The following CC2D2B variants were observed in gnomAD, a reference collection of about 807,000 sequenced individuals.
The protein encoded by CC2D2B is protein CC2D2B.
CC2D2B carries 128 observed loss-of-function variants against 161.2 expected under a neutral mutation model. The observed-to-expected ratio is 0.79, with a 90% confidence interval of 0.69 to 0.92. CC2D2B has a LOEUF of 0.92. Ranked by LOEUF, CC2D2B falls within the 40% of genes least tolerant of loss-of-function variation. The pLI is 0.00. For missense variants in CC2D2B, 1,173 were observed against 1,375.1 expected, an observed-to-expected ratio of 0.85 and a Z score of 2.32; for synonymous variants, 391 against 449.8, an observed-to-expected ratio of 0.87 and a Z score of 1.65.
Position 96,032,100 on chromosome 10 carries a change from C to T in CC2D2B, c.*92C>T. ...ACCTTGAGATTTTGCTGTTTATTCT[C>T]AAGTCCAGCTAAGTGCTGGGCCCAA... On this transcript the variant is annotated 3_prime_UTR_variant, in exon 35 of 35. Coordinates refer to ENST00000646931, the MANE Select transcript of CC2D2B (RefSeq NM_001349008.3). 1 of 1,018,910 alleles carries T rather than the reference C, an allele frequency of 9.8e-7. No homozygotes were observed. Among genetic ancestry groups the T allele is most frequent in the Non-Finnish European group, 1.4e-6 (1 of 702,334 alleles). The allele number at this position is 1,018,910 out of a possible 1,614,324, so 63.1% of individuals were successfully genotyped here.
intron 33 of CC2D2B, among the ~76,000 whole-genome samples, chr10:96,025,711 A>G (rs910718500): frequency 1.1e-4 from 17 of 152,248 alleles, no homozygotes; most frequent in Non-Finnish European, 2.1e-4. Context: ...GAAGTCAGTC[A>G]GTCAAGCCCA....
chr10:95,908,209 G>A (rs1459002752), intron 1 of CC2D2B, among the ~76,000 whole-genome samples, 152 bp downstream of exon 1: 1 of 152,200 alleles, frequency 6.6e-6, no homozygotes, highest in African/African-American at 2.4e-5. Context: ...TAGTTCGGGG[G>A]CCTGGCCGAC....
intron 15 of CC2D2B, among the ~76,000 whole-genome samples, chr10:95,971,007 C>T (rs1261455825): frequency 6.6e-6 from 1 of 152,044 alleles, no homozygotes; most frequent in Admixed American, 6.5e-5. Context: ...AGCAATTTTC[C>T]CCTCTGATTT....
At chr10:95,972,561 C>G (rs1297930999) in intron 16 of CC2D2B, among the ~76,000 whole-genome samples, 1 of 152,074 alleles carries the variant, frequency 6.6e-6, no homozygotes, top group Non-Finnish European at 1.5e-5. Flanking sequence ...TGATCCGCCC[C>G]CCTCAGCCTC....
At chr10:96,005,442 A>G (rs1429636546) in intron 25 of CC2D2B, among the ~76,000 whole-genome samples, 1 of 152,150 alleles carries the variant, frequency 6.6e-6, no homozygotes, top group Non-Finnish European at 1.5e-5. Context: ...TAGGGTAGCT[A>G]TGGGCCAAAA....
rs1383450925 is a variant in CC2D2B, at chr10:95,999,548, AC to A, written c.2849+3297del. 2.0e-5 allele frequency among the ~76,000 whole-genome samples: 3 copies of A among 151,940 alleles called. No individual in the cohort carries two copies. In the East Asian group the frequency reaches 5.8e-4, roughly 29 times the overall value. On this transcript the variant is annotated intron_variant, in intron 24 of 34. Transcript: ENST00000646931. ...ACAAATATTTCATAAATAATATCTG[AC>A]TGTTTTCTAACCAATTGAGTAATTT...
chr10:95,940,541 T>A (rs1318037926), intron 9 of CC2D2B, among the ~76,000 whole-genome samples: 1 of 152,222 alleles, frequency 6.6e-6, no homozygotes, highest in African/African-American at 2.4e-5. Flanking sequence ...CATTTAGAGT[T>A]ACCACCCATC....
intron 18 of CC2D2B, among the ~76,000 whole-genome samples, chr10:95,982,928 C>T (rs1366861912): frequency 2.6e-5 from 4 of 152,076 alleles, no homozygotes; most frequent in African/African-American, 4.8e-5. Context: ...CACGCCACTG[C>T]GCCCAGCTAA....
At chr10:95,947,458 A>AAG (rs2076261216) in intron 9 of CC2D2B, among the ~76,000 whole-genome samples, 2 of 150,900 alleles carry the variant, frequency 1.3e-5, no homozygotes. Flanking sequence ...CTTAAAAAAA[A>AAG]GGTGGTCAGG....
rs979185357 is a variant in CC2D2B at position 95,996,198 on chromosome 10, A to G, written c.2795A>G (p.Asn932Ser). Residue 932 changes from asparagine (N) to serine (S), a missense_variant, in exon 24 of 35, where the codon AAT becomes AGT. By Grantham distance (46) the Asn-to-Ser change is conservative. Transcript: ENST00000646931. ...VSFQHTVYKT[N>S]TASGSHPCWN... ...TTCCAGCACACTGTATACAAAACCA[A>G]TACAGCAAGTGGATCTCATCCATGC... The G allele has an allele frequency of 9.2e-6, 14 of 1,519,948 alleles. No individual in the cohort carries two copies. Among genetic ancestry groups the G allele is most frequent in the African/African-American group, 2.7e-5 (2 of 72,826 alleles). 94.2% of individuals were successfully genotyped at this position (1,519,948 alleles called of 1,614,324 possible). A position where few individuals can be genotyped will look rare whatever the true frequency, so the allele number is the denominator to read the frequency against.
rs374269915 is a variant in CC2D2B, at chr10:96,019,352, A to G, written c.3765+15A>G. The G allele has an allele frequency of 1.0e-5, 16 of 1,592,476 alleles. 1 individual carries two copies. The highest frequency in any genetic ancestry group is 1.4e-5 in the African/African-American group (1 of 73,568). On this transcript the variant is annotated intron_variant, in intron 31 of 34. Coordinates refer to ENST00000646931, the MANE Select transcript of CC2D2B (RefSeq NM_001349008.3). ...ATGATAGAAATGTAAGTATATGGGG[A>G]AAAAAAATCTTGAGTTATCTCCTCT... is the stretch of plus-strand genomic sequence containing the variant.
At chr10:96,009,702 CTATT>C in intron 25 of CC2D2B, 119 bp from the exon 26 acceptor site, 1 of 481,228 alleles carries the variant, frequency 2.1e-6, no homozygotes, top group Middle Eastern at 5.3e-4. Context: ...CAGATCTTTT[CTATT>C]TATCTTTTGA....
chr10:95,909,345 A>AT (rs1456309258), intron 1 of CC2D2B, among the ~76,000 whole-genome samples: 1 of 152,216 alleles, frequency 6.6e-6, no homozygotes, highest in Non-Finnish European at 1.5e-5. Context: ...TTAATAGATT[A>AT]TTTTTACAAA....
chr10:95,934,994 C>T (rs1293848590), intron 6 of CC2D2B, among the ~76,000 whole-genome samples: 1 of 152,092 alleles, frequency 6.6e-6, no homozygotes, highest in Non-Finnish European at 1.5e-5. Context: ...CCTCAGCCTC[C>T]CGAGTAGCTA....
At chr10:95,972,671 G>T (rs1404896476) in intron 16 of CC2D2B, among the ~76,000 whole-genome samples, 1 of 152,224 alleles carries the variant, frequency 6.6e-6, no homozygotes, top group Non-Finnish European at 1.5e-5. Flanking sequence ...AAACTAGATT[G>T]TTTAAAGTTT....
At chr10:95,950,568 T>C (rs775841866) in intron 10 of CC2D2B, 1 of 152,298 alleles carries the variant, frequency 6.6e-6, no homozygotes, top group Admixed American at 6.5e-5. Context: ...ATTACTTTTA[T>C]AAACTTGTGC....
intron 4 of CC2D2B, 105 bp from the exon 5 acceptor site, chr10:95,924,674 A>G: frequency 3.9e-6 from 3 of 768,032 alleles, no homozygotes; most frequent in Non-Finnish European, 6.5e-6. Flanking sequence ...CACACTTTTT[A>G]AAAGAAAAAC....
At chr10:95,991,335 AAT>A in intron 20 of CC2D2B, 33 bp from the exon 21 acceptor site, 1 of 676,416 alleles carries the variant, frequency 1.5e-6, no homozygotes, top group Non-Finnish European at 2.1e-6. Flanking sequence ...AAATATAAAC[AAT>A]ACATTTTTTA....
chr10:95,993,952 G>A (rs12764889), intron 22 of CC2D2B, among the ~76,000 whole-genome samples: 2,658 of 16,280 alleles, frequency 0.16, 114 homozygotes, highest in Non-Finnish European at 0.28. Context: ...GTATGTATGT[G>A]TATATATATA....
Sources: gnomAD v4.1 joint callset for allele counts (sites outside exome capture counted in the v4.1 genomes callset) on GRCh38, gnomAD v4.1.1 for gene constraint, MANE v1.5 for transcripts, NCBI Gene and HGNC (gene_info 2026-07-23, HGNC 2026-07-21) for gene names.